The following KCNJ3 variants were observed in gnomAD, a reference collection of about 807,000 sequenced individuals.
KCNJ3 encodes potassium inwardly rectifying channel subfamily J member 3.
KCNJ3 carries 4 observed loss-of-function variants against 39.2 expected under a neutral mutation model. The observed-to-expected ratio is 0.10, with a 90% CI of 0.05 to 0.23. The LOEUF (loss-of-function observed/expected upper bound fraction) is 0.23, where lower values mean the gene tolerates loss of function less well. KCNJ3 is among the 10% of genes least tolerant of loss of function. The pLI, the probability that KCNJ3 is intolerant of heterozygous loss-of-function variation, is 1.00. For synonymous variants in KCNJ3, 230 were observed against 237.4 expected (o/e 0.97, Z 0.29); for missense variants, 276 against 634.9 (o/e 0.43, Z 6.08).
intron 2 of KCNJ3, among the ~76,000 whole-genome samples, chr2:154,805,257 C>G (rs550890051): frequency 6.6e-6 from 1 of 152,158 alleles, no homozygotes; most frequent in African/African-American, 2.4e-5. Context: ...AAGATAATTT[C>G]TTCTTGTGCT....
rs1684839203 is a variant in KCNJ3, at chr2:154,699,011, A to G, written c.236A>G (p.Lys79Arg). Residue 79 changes from lysine to arginine, a missense_variant, in exon 1 of 3, where the codon AAG (lysine) becomes AGG (arginine). Physicochemically the swap from Lys to Arg is conservative, Grantham distance 26. Transcript: ENST00000295101. The surrounding 1 kb of genome is among the most constrained non-coding windows in gnomAD (Gnocchi z 6.4). ...CTCTTCACCACGCTGGTGGACCTCA[A>G]GTGGCGCTGGAACCTCTTCATCTTC... ...SDLFTTLVDL[K>R]WRWNLFIFIL... 6.2e-7 allele frequency: 1 copy of G among 1,614,052 alleles called. No individual in the cohort carries two copies. The highest frequency in any genetic ancestry group is 1.1e-5 in the South Asian group (1 of 91,084).
intron 2 of KCNJ3, among the ~76,000 whole-genome samples, chr2:154,743,828 GT>G (rs1163508477): frequency 1.3e-5 from 2 of 150,390 alleles, no homozygotes; most frequent in African/African-American, 4.9e-5. Flanking sequence ...TTTTGTTTTT[GT>G]TTTTTTTCTT....
chr2:154,762,853 T>C (rs1424267519), intron 2 of KCNJ3, among the ~76,000 whole-genome samples: 1 of 152,132 alleles, frequency 6.6e-6, no homozygotes, highest in Non-Finnish European at 1.5e-5. Context: ...CTCAGGTGGT[T>C]AGAGGGCTGG....
intron 2 of KCNJ3, among the ~76,000 whole-genome samples, chr2:154,809,840 A>G (rs1265402441): frequency 6.6e-6 from 1 of 152,096 alleles, no homozygotes; most frequent in Non-Finnish European, 1.5e-5. Flanking sequence ...AAGAAATAAC[A>G]TTGTCTATTT....
At chr2:154,704,205 G>T (rs1684957881) in intron 1 of KCNJ3, among the ~76,000 whole-genome samples, 1 of 151,940 alleles carries the variant, frequency 6.6e-6, no homozygotes, top group African/African-American at 2.4e-5. Flanking sequence ...AGGGTGGATT[G>T]TGCTCAGGGA....
intron 2 of KCNJ3, among the ~76,000 whole-genome samples, chr2:154,777,000 T>A (rs1364331569): frequency 3.9e-5 from 6 of 151,908 alleles, no homozygotes; most frequent in African/African-American, 1.5e-4. Flanking sequence ...CTTGTGCTAG[T>A]TTATCCAGAA....
In KCNJ3 at chr2:154,855,505, G is replaced by A. The variant is rs1057125490; in HGVS notation, c.*192G>A. 10 of 526,228 alleles carry A rather than the reference G, an allele frequency of 1.9e-5. No homozygotes were observed. The highest frequency in any genetic ancestry group is 3.0e-5 in the Non-Finnish European group (9 of 298,532). The allele number at this position is 526,228 out of a possible 1,614,324, so 32.6% of individuals were successfully genotyped here. A position where few individuals can be genotyped will look rare whatever the true frequency, so the allele number is the denominator to read the frequency against. ...CAGTTACGGAGGGAGGACATCATAA[G>A]GAAGTTATTAACGGGCATGTATTAT... On this transcript the variant is annotated 3_prime_UTR_variant, in exon 3 of 3. Transcript: ENST00000295101.
intron 2 of KCNJ3, among the ~76,000 whole-genome samples, chr2:154,754,602 T>C (rs530413064): frequency 7.2e-4 from 109 of 152,316 alleles, no homozygotes; most frequent in Non-Finnish European, 1.2e-3. Context: ...AATACTTCAA[T>C]ATATGGCATA....
chr2:154,708,621 A>G (rs1685053743), intron 1 of KCNJ3, among the ~76,000 whole-genome samples: 2 of 152,166 alleles, frequency 1.3e-5, no homozygotes, highest in South Asian at 4.1e-4. Flanking sequence ...AATTACATAA[A>G]TTAAATGTAT....
chr2:154,712,514 C>A (rs1296603415), intron 2 of KCNJ3, among the ~76,000 whole-genome samples: 1 of 152,110 alleles, frequency 6.6e-6, no homozygotes, highest in African/African-American at 2.4e-5. Flanking sequence ...CTTTCAGTCA[C>A]TCATGTATTA....
At position 154,699,052 on chromosome 2, in the gene KCNJ3, G is replaced by T; in HGVS notation, c.277G>T (p.Val93Leu). The T allele has an allele frequency of 6.2e-7, 1 of 1,614,200 alleles. No individual in the cohort carries two copies. The highest frequency in any genetic ancestry group is 8.5e-7 in the Non-Finnish European group (1 of 1,180,042). The change falls in exon 1 of 3, where the codon GTG (valine) becomes TTG (leucine). Residue 93 changes from valine (V) to leucine (L), a missense_variant. Transcript: ENST00000295101. This position sits in a 1 kb window ranked among gnomAD's most constrained non-coding sequence, Gnocchi z 6.4. ...CTTCATCTTCATTCTCACCTACACC[G>T]TGGCCTGGCTTTTCATGGCGTCCAT... ...NLFIFILTYT[V>L]AWLFMASMWW... is the part of the protein sequence containing the mutation.
chr2:154,759,738 A>G (rs1686006358), intron 2 of KCNJ3, among the ~76,000 whole-genome samples: 1 of 152,106 alleles, frequency 6.6e-6, no homozygotes, highest in Non-Finnish European at 1.5e-5. Context: ...TGATTGTTCT[A>G]CTTTTAAAAT....
At chr2:154,828,478 G>GTGTT (rs750346546) in intron 2 of KCNJ3, among the ~76,000 whole-genome samples, 1 of 152,172 alleles carries the variant, frequency 6.6e-6, no homozygotes, top group Non-Finnish European at 1.5e-5. Flanking sequence ...TGGAGCACAA[G>GTGTT]TGTTGGAATT....
chr2:154,812,048 C>G (rs879943599), intron 2 of KCNJ3, among the ~76,000 whole-genome samples: 1 of 152,118 alleles, frequency 6.6e-6, no homozygotes, highest in Non-Finnish European at 1.5e-5. Flanking sequence ...AAAATGATCT[C>G]ATTTACCAGA....
chr2:154,730,035 G>A (rs1207415223), intron 2 of KCNJ3, among the ~76,000 whole-genome samples: 1 of 151,884 alleles, frequency 6.6e-6, no homozygotes, highest in African/African-American at 2.4e-5. Context: ...TGGGTTCATT[G>A]AGATGGCTGC....
chr2:154,840,953 A>G (rs1687565025), intron 2 of KCNJ3, among the ~76,000 whole-genome samples: 1 of 152,190 alleles, frequency 6.6e-6, no homozygotes, highest in Admixed American at 6.5e-5. Context: ...TGCCCTGGCC[A>G]GAACTTCCAA....
At chr2:154,784,422 G>C (rs1488207546) in intron 2 of KCNJ3, among the ~76,000 whole-genome samples, 2 of 152,206 alleles carry the variant, frequency 1.3e-5, no homozygotes, top group East Asian at 1.9e-4. Flanking sequence ...CTGTAGCCCA[G>C]GCAGGAGTGC....
chr2:154,824,923 A>C (rs1045346533), intron 2 of KCNJ3, among the ~76,000 whole-genome samples: 2 of 152,236 alleles, frequency 1.3e-5, no homozygotes, highest in Non-Finnish European at 2.9e-5. Context: ...GCAGTGAAGC[A>C]TGTGTGAATC....
At chr2:154,732,534 C>T (rs1685464441) in intron 2 of KCNJ3, among the ~76,000 whole-genome samples, 1 of 152,010 alleles carries the variant, frequency 6.6e-6, no homozygotes, top group Non-Finnish European at 1.5e-5. Context: ...ATTGTATTAC[C>T]ACTCAGTTTG....
Sources: allele counts gnomAD v4.1 joint callset (sites outside exome capture counted in the v4.1 genomes callset), GRCh38; gene constraint gnomAD v4.1.1; non-coding constraint Gnocchi (gnomAD v3.1); transcripts MANE v1.5; gene names NCBI Gene and HGNC (gene_info 2026-07-23, HGNC 2026-07-21).